LARGE1: variants seen among roughly 807,000 people sequenced by gnomAD.
The protein encoded by LARGE1 is xylosyl- and glucuronyltransferase LARGE1.
LARGE1 carries 43 observed loss-of-function variants against 87.6 expected under a neutral mutation model. The ratio of observed to expected loss-of-function variants is 0.49; its 90% CI spans 0.38 to 0.63. LARGE1 has a LOEUF of 0.63. LARGE1 is among the 30% of genes least tolerant of loss of function. The pLI, the probability that LARGE1 is intolerant of heterozygous loss-of-function variation, is 0.00. For synonymous variants in LARGE1, 434 were observed against 394.6 expected (o/e 1.10, Z -1.18); for missense variants, 802 against 1,000.2 (o/e 0.80, Z 2.67).
rs111831624 is a variant in LARGE1 at position 33,386,227 on chromosome 22, TGA to T, written c.893-1925_893-1924del. 4.3e-4 allele frequency among the ~76,000 whole-genome samples: 64 copies of T among 148,720 alleles called. 6 individuals are homozygous for T. The highest frequency in any genetic ancestry group is 1.5e-3 in the African/African-American group (61 of 41,022). ...GATTTTGTTATCCTTATTTTATAGG[TGA>T]GGAAACTGAGGGGCTAAATCGGACA... On this transcript the variant is annotated intron_variant, in intron 7 of 14. Coordinates refer to ENST00000397394, the MANE Select transcript of LARGE1 (RefSeq NM_133642.5).
chr22:33,716,978 T>C (rs1228782479), intron 2 of LARGE1, among the ~76,000 whole-genome samples: 6 of 152,222 alleles, frequency 3.9e-5, no homozygotes, highest in Non-Finnish European at 8.8e-5. Context: ...TTCTTACTTG[T>C]TTAAACCATT....
chr22:33,091,432 C>A, the LARGE1 span, among the ~76,000 whole-genome samples: 5 of 151,958 alleles, frequency 3.3e-5, no homozygotes, highest in Non-Finnish European at 7.4e-5. Flanking sequence ...TGGTGGCAGG[C>A]GCCTGTAATC....
chr22:33,539,039 A>G (rs1278851643), intron 6 of LARGE1, among the ~76,000 whole-genome samples: 4 of 152,220 alleles, frequency 2.6e-5, no homozygotes, highest in Non-Finnish European at 5.9e-5. Flanking sequence ...TGAACATAGT[A>G]AGGTCAAGTA....
At chr22:33,915,040 C>CAGAGAGAGAGAGAGAG (rs1431046257) in intron 1 of LARGE1, among the ~76,000 whole-genome samples, 15 of 91,650 alleles carry the variant, frequency 1.6e-4, no homozygotes, top group African/African-American at 5.3e-4. Context: ...CACACACACA[C>CAGAGAGAGAGAGAGAG]ACAGAGAGAG....
chr22:33,658,102 G>C (rs1022319633), intron 2 of LARGE1, among the ~76,000 whole-genome samples: 3 of 152,100 alleles, frequency 2.0e-5, no homozygotes, highest in African/African-American at 7.2e-5. Flanking sequence ...AACAAGTCCA[G>C]CCTAATTTGT....
At chr22:33,782,470 A>G (rs1333511055) in intron 1 of LARGE1, among the ~76,000 whole-genome samples, 2 of 152,254 alleles carry the variant, frequency 1.3e-5, no homozygotes, top group Admixed American at 1.3e-4. Flanking sequence ...TATGAATTGT[A>G]CATTTTAAAC....
At chr22:33,847,663 A>G (rs1318784927) in intron 1 of LARGE1, among the ~76,000 whole-genome samples, 1 of 152,186 alleles carries the variant, frequency 6.6e-6, no homozygotes, top group Non-Finnish European at 1.5e-5. Context: ...TGACCTGTAC[A>G]AGGACTCCAC....
At chr22:33,722,839 G>A (rs2083148912) in intron 2 of LARGE1, among the ~76,000 whole-genome samples, 1 of 152,178 alleles carries the variant, frequency 6.6e-6, no homozygotes, top group South Asian at 2.1e-4. Context: ...GTGCATTCAG[G>A]GAACCATCGA....
rs1222245254 is a variant in LARGE1 at position 33,519,796 on chromosome 22, C to T, written c.787+45052G>A. On this transcript the variant is annotated intron_variant, in intron 6 of 14. Transcript: ENST00000397394. Reference sequence around the variant, plus strand: ...GAGGCTGATCTACATGGCCACATCACCAGCCCACATTCTGTTTATGACGCT... The same window carrying T: ...GAGGCTGATCTACATGGCCACATCATCAGCCCACATTCTGTTTATGACGCT... Among the ~76,000 whole-genome samples the T allele has an allele frequency of 2.0e-5, 3 of 152,084 alleles. No individual in the cohort carries two copies. The South Asian group carries it at 6.2e-4, about 31-fold the overall frequency.
At chr22:33,126,356 A>G in the LARGE1 span, among the ~76,000 whole-genome samples, 2 of 152,008 alleles carry the variant, frequency 1.3e-5, no homozygotes, top group Non-Finnish European at 2.9e-5. Context: ...ATGAAGAGTC[A>G]CTCTCTGATT....
At chr22:33,759,483 G>A (rs1350891991) in intron 2 of LARGE1, among the ~76,000 whole-genome samples, 2 of 152,110 alleles carry the variant, frequency 1.3e-5, no homozygotes, top group Non-Finnish European at 2.9e-5. Context: ...CTGTAAAACA[G>A]GTGTATTAAA....
chr22:33,335,235 C>A (rs1310212040), intron 10 of LARGE1, among the ~76,000 whole-genome samples: 1 of 152,218 alleles, frequency 6.6e-6, no homozygotes, highest in Non-Finnish European at 1.5e-5. Flanking sequence ...GAAGGAAAAA[C>A]TGAAAGAACA....
rs114115872 is a variant in LARGE1, at chr22:33,624,937, C to A, written c.491+1307G>T. Among the ~76,000 whole-genome samples, 1,398 of 152,276 alleles carry A rather than the reference C, an allele frequency of 9.2e-3. 25 individuals are homozygous for A. The highest frequency in any genetic ancestry group is 0.032 in the African/African-American group (1,319 of 41,558). On this transcript the variant is annotated intron_variant, in intron 4 of 14. Transcript: ENST00000397394. ...AGGGAGAATCGCAAAGCACTGACTG[C>A]AGATGGGCTTGTTGGAAGACAGAGA... is the stretch of plus-strand genomic sequence containing the variant.
In LARGE1 at chr22:33,733,866, A is replaced by C. The variant is rs531858466; in HGVS notation, c.106+27505T>G. 1.3e-4 allele frequency among the ~76,000 whole-genome samples: 20 copies of C among 152,334 alleles called. No homozygotes were observed. In the East Asian group the frequency reaches 3.9e-3, roughly 29 times the overall value. On this transcript the variant is annotated intron_variant, in intron 2 of 14. Coordinates refer to ENST00000397394, the MANE Select transcript of LARGE1 (RefSeq NM_133642.5). ...GAGAAGCAGAAAGACCATAGCATTC[A>C]TGGAGATGGTGGGCATTTGTTTTCC...
chr22:33,713,874 TG>T (rs2082819762), intron 2 of LARGE1, among the ~76,000 whole-genome samples: 1 of 152,044 alleles, frequency 6.6e-6, no homozygotes, highest in Admixed American at 6.6e-5. Flanking sequence ...GAGGATTACT[TG>T]AGTTTGGGAG....
chr22:33,476,107 T>C (rs968718736), intron 6 of LARGE1, among the ~76,000 whole-genome samples: 6 of 152,246 alleles, frequency 3.9e-5, no homozygotes, highest in Admixed American at 2.6e-4. Flanking sequence ...TGAAACTCAA[T>C]ATCTTTATTC....
intron 1 of LARGE1, among the ~76,000 whole-genome samples, chr22:33,827,668 T>A (rs1031126237): frequency 2.0e-5 from 3 of 152,212 alleles, no homozygotes; most frequent in Non-Finnish European, 2.9e-5. Context: ...ATCAGGGCTG[T>A]TCTTTTCGAA....
intron 2 of LARGE1, among the ~76,000 whole-genome samples, chr22:33,679,766 C>T (rs1055946236): frequency 1.3e-5 from 2 of 152,014 alleles, no homozygotes; most frequent in East Asian, 1.9e-4. Flanking sequence ...TGCTTGAACC[C>T]GGGAGGCGGA....
chr22:33,140,698 C>T, the LARGE1 span, among the ~76,000 whole-genome samples: 2 of 152,130 alleles, frequency 1.3e-5, no homozygotes, highest in Non-Finnish European at 2.9e-5. Flanking sequence ...GGACTTACAC[C>T]AGTGGTTTGC....
Sources: gnomAD v4.1 joint callset for allele counts (sites outside exome capture counted in the v4.1 genomes callset) on GRCh38, gnomAD v4.1.1 for gene constraint, MANE v1.5 for transcripts, NCBI Gene and HGNC (gene_info 2026-07-23, HGNC 2026-07-21) for gene names.